AFAP1L2: variants seen among roughly 807,000 people sequenced by gnomAD.
AFAP1L2 encodes the protein actin filament associated protein 1 like 2, also known as actin filament-associated protein 1-like 2.
AFAP1L2 carries 46 observed loss-of-function variants against 99.3 expected under a neutral mutation model. That is an observed-to-expected ratio of 0.46 (90% CI 0.37 to 0.59). AFAP1L2 has a LOEUF of 0.59. Among genes scored for constraint, AFAP1L2 ranks in the 20% least tolerant of loss-of-function variants. AFAP1L2 has a pLI of 0.00. For missense variants in AFAP1L2, 959 were observed against 1,034.9 expected, an observed-to-expected ratio of 0.93 and a Z score of 1.01; for synonymous variants, 397 against 419.1, an observed-to-expected ratio of 0.95 and a Z score of 0.64.
intron 1 of AFAP1L2, among the ~76,000 whole-genome samples, chr10:114,368,397 G>C (rs201416115): frequency 6.6e-6 from 1 of 152,060 alleles, no homozygotes; most frequent in East Asian, 1.9e-4. Flanking sequence ...AATAATAACA[G>C]CGTATTGGTT....
chr10:114,291,133 G>T, downstream of AFAP1L2: 9 of 1,489,132 alleles, frequency 6.0e-6, no homozygotes, highest in Non-Finnish European at 8.2e-6. Context: ...GTAAGAGCAG[G>T]ACCTGAAGGG....
At chr10:114,296,266 G>C in intron 18 of AFAP1L2, 198 bp from the exon 19 acceptor site, 2 of 665,700 alleles carry the variant, frequency 3.0e-6, no homozygotes, top group Non-Finnish European at 5.2e-6. Flanking sequence ...GCACAACAGC[G>C]AGTGCCTATA....
chr10:114,354,747 A>C (rs1402525837), intron 1 of AFAP1L2, among the ~76,000 whole-genome samples: 2 of 152,228 alleles, frequency 1.3e-5, no homozygotes, highest in Non-Finnish European at 2.9e-5. Flanking sequence ...GCCAGTGCTC[A>C]GAAGGAACAA....
At chr10:114,359,078 C>G (rs2051832438) in intron 1 of AFAP1L2, among the ~76,000 whole-genome samples, 1 of 151,968 alleles carries the variant, frequency 6.6e-6, no homozygotes, top group South Asian at 2.1e-4. Flanking sequence ...TGAGAACAAA[C>G]AGTAAAAGAA....
At chr10:114,285,800 G>A in the AFAP1L2 span, 4 of 905,584 alleles carry the variant, frequency 4.4e-6, no homozygotes, top group Non-Finnish European at 6.5e-6. Flanking sequence ...TCTGTGACGA[G>A]CACGGGTCAC....
At chr10:114,374,241 AT>A (rs1315108216) in intron 1 of AFAP1L2, among the ~76,000 whole-genome samples, 1 of 152,144 alleles carries the variant, frequency 6.6e-6, no homozygotes, top group Non-Finnish European at 1.5e-5. Flanking sequence ...AAAATTACAG[AT>A]TTGAAACGCC....
chr10:114,384,323 G>A (rs984150947), intron 1 of AFAP1L2, among the ~76,000 whole-genome samples: 19 of 148,786 alleles, frequency 1.3e-4, no homozygotes, highest in Middle Eastern at 3.4e-3. Flanking sequence ...CTTGTCTGTC[G>A]TCCCCCCCCC....
chr10:114,353,046 G>A (rs1256463358), intron 1 of AFAP1L2, among the ~76,000 whole-genome samples: 24 of 152,144 alleles, frequency 1.6e-4, no homozygotes, highest in Admixed American at 1.2e-3. Flanking sequence ...GGGCAGTCAC[G>A]TGACCTTGGA....
At chr10:114,373,919 G>A (rs1028512465) in intron 1 of AFAP1L2, among the ~76,000 whole-genome samples, 1 of 152,074 alleles carries the variant, frequency 6.6e-6, no homozygotes, top group Non-Finnish European at 1.5e-5. Context: ...GCACAGCCTA[G>A]GTCCACAGCG....
chr10:114,314,687 A>G (rs1474415355), intron 6 of AFAP1L2, among the ~76,000 whole-genome samples: 2 of 152,204 alleles, frequency 1.3e-5, no homozygotes, highest in Non-Finnish European at 2.9e-5. Context: ...GTGGAATTTC[A>G]AATCAGGACA....
At chr10:114,283,276 G>GAC in the AFAP1L2 span, among the ~76,000 whole-genome samples, 2 of 151,992 alleles carry the variant, frequency 1.3e-5, no homozygotes, top group African/African-American at 4.8e-5. Context: ...CGAGCAGTTA[G>GAC]ACACACAGGC....
chr10:114,397,789 C>T (rs1218865241), intron 1 of AFAP1L2, among the ~76,000 whole-genome samples: 1 of 152,174 alleles, frequency 6.6e-6, no homozygotes, highest in Non-Finnish European at 1.5e-5. Context: ...GCTTTAATCT[C>T]CAGCAGAAGG....
intron 1 of AFAP1L2, among the ~76,000 whole-genome samples, chr10:114,403,061 G>T (rs1419233621): frequency 6.6e-6 from 1 of 152,212 alleles, no homozygotes; most frequent in East Asian, 1.9e-4. Context: ...GCATAAGCGC[G>T]CATTCAGTCA....
At chr10:114,396,523 A>G (rs1450420755) in intron 1 of AFAP1L2, among the ~76,000 whole-genome samples, 1 of 152,206 alleles carries the variant, frequency 6.6e-6, no homozygotes, top group Non-Finnish European at 1.5e-5. Context: ...TGTTATTTCG[A>G]TAAATCATGG....
intron 5 of AFAP1L2, among the ~76,000 whole-genome samples, chr10:114,319,796 G>C (rs1454445649): frequency 2.6e-5 from 4 of 152,174 alleles, no homozygotes; most frequent in African/African-American, 9.7e-5. Context: ...CCCATCAGAG[G>C]TGTAGGCTGT....
intron 1 of AFAP1L2, among the ~76,000 whole-genome samples, chr10:114,399,364 G>A (rs2058035352): frequency 6.6e-6 from 1 of 152,286 alleles, no homozygotes; most frequent in African/African-American, 2.4e-5. Flanking sequence ...AGAGACATGT[G>A]GGCTAGGTCC....
intron 1 of AFAP1L2, among the ~76,000 whole-genome samples, chr10:114,391,365 G>T (rs1189585062): frequency 6.6e-6 from 1 of 152,066 alleles, no homozygotes; most frequent in Admixed American, 6.5e-5. Context: ...GATTACAGGT[G>T]TCTGCCACTA....
At chr10:114,285,343 G>A in the AFAP1L2 span, among the ~76,000 whole-genome samples, 1 of 152,220 alleles carries the variant, frequency 6.6e-6, no homozygotes, top group South Asian at 2.1e-4. Flanking sequence ...GATTCCTTTT[G>A]ATTTTAGAGG....
chr10:114,391,863 T>C (rs1038916136), intron 1 of AFAP1L2, among the ~76,000 whole-genome samples: 1 of 152,114 alleles, frequency 6.6e-6, no homozygotes, highest in Admixed American at 6.5e-5. Context: ...AAGTGAGGAA[T>C]GGCTGCAGAG....
Sources: allele counts gnomAD v4.1 joint callset (sites outside exome capture counted in the v4.1 genomes callset), GRCh38; gene constraint gnomAD v4.1.1; transcripts MANE v1.5; gene names NCBI Gene and HGNC (gene_info 2026-07-23, HGNC 2026-07-21).